H3C4: variants seen among roughly 807,000 people sequenced by gnomAD.
H3C4 encodes the protein H3 clustered histone 4, also known as histone H3.1.
A neutral mutation model predicts 8.7 loss-of-function variants in H3C4; 10 were observed. The ratio of observed to expected loss-of-function variants is 1.15; its 90% CI spans 0.71 to 1.96. H3C4 has a LOEUF of 1.96. H3C4 is among the 30% of genes most tolerant of loss of function. The probability of loss-of-function intolerance (pLI) is 0.00; values close to 1 mark genes in which losing one functional copy is unlikely to be tolerated. For synonymous variants in H3C4, 141 were observed against 80.1 expected (o/e 1.76, Z -4.06); for missense variants, 216 against 192.9 (o/e 1.12, Z -0.71).
Position 26,196,800 on chromosome 6 carries a change from G to T in H3C4, c.*40C>A. ...TAGAAAAGGTGGTTGGCTCTGAAAA[G>T]AGCCTTTGGGTTTTGGTTAGCACAC... On this transcript the variant is annotated 3_prime_UTR_variant, in exon 1 of 1. Coordinates refer to ENST00000356476, the MANE Select transcript of H3C4 (RefSeq NM_001376937.1). The T allele has an allele frequency of 3.1e-6, 5 of 1,608,876 alleles. No homozygotes were observed. Among genetic ancestry groups the T allele is most frequent in the Non-Finnish European group, 4.2e-6 (5 of 1,177,656 alleles).
upstream of H3C4, among the ~76,000 whole-genome samples, chr6:26,197,589 T>C (rs1453306919): frequency 1.3e-5 from 2 of 152,164 alleles, no homozygotes; most frequent in Non-Finnish European, 2.9e-5. Context: ...GCGCTGAAAC[T>C]GGCTTTGATC....
chr6:26,199,284 A>G (rs749722329), upstream of H3C4: 3 of 1,573,990 alleles, frequency 1.9e-6, no homozygotes, highest in Admixed American at 6.5e-5. Flanking sequence ...GAAGACAAAA[A>G]TGTAAAAGTG....
rs1434340791 is a variant in H3C4 at position 26,196,954 on chromosome 6, G to A, written c.297C>T (p.Ala99=). 4 of 1,614,140 alleles carry A rather than the reference G, an allele frequency of 2.5e-6. No individual in the cohort carries two copies. The highest frequency in any genetic ancestry group is 1.7e-5 in the Admixed American group (1 of 60,006). The change falls in exon 1 of 1, where the codon GCC becomes GCT. Residue 99 remains alanine (A), a synonymous_variant. Transcript: ENST00000356476. ...AVMALQEACE[A]YLVGLFEDTN... ...TGTCCTCAAACAGCCCCACCAGGTA[G>A]GCCTCGCAGGCCTCCTGCAGCGCCA...
upstream of H3C4, chr6:26,198,733 A>C: frequency 1.0e-6 from 1 of 997,204 alleles, no homozygotes; most frequent in Non-Finnish European, 1.5e-6. Flanking sequence ...ATTAAAGAAA[A>C]CTGCAAAATA....
upstream of H3C4, chr6:26,199,034 G>T: frequency 6.2e-7 from 1 of 1,614,164 alleles, no homozygotes; most frequent in Non-Finnish European, 8.5e-7. Context: ...TGTCGCGGGC[G>T]GCGTTGCCCG....
chr6:26,199,290 A>T (rs1264663720), upstream of H3C4: 7 of 1,567,044 alleles, frequency 4.5e-6, no homozygotes, highest in Non-Finnish European at 5.2e-6. Context: ...AAAAATGTAA[A>T]AGTGAATTTT....
chr6:26,199,212 G>A (rs137859753), upstream of H3C4: 79 of 1,607,636 alleles, frequency 4.9e-5, no homozygotes, highest in African/African-American at 5.5e-4. Context: ...CTTAGCTCGG[G>A]CCTTTCCGCC....
At chr6:26,198,997 G>A (rs764214331), upstream of H3C4, 4 of 1,614,040 alleles carry the variant, frequency 2.5e-6, no homozygotes, top group Middle Eastern at 1.6e-4. Flanking sequence ...AGCTGCAGGT[G>A]TCGGGGGATG....
rs779923855 is a variant in H3C4 at position 26,197,268 on chromosome 6, T to G, written c.-18A>C. ...CGAGCCATTGCGAACTTCTAAACCC[T>G]GCTAAATGACGAAAAAACGAAAGTC... On this transcript the variant is annotated 5_prime_UTR_variant, in exon 1 of 1. Coordinates refer to ENST00000356476, the MANE Select transcript of H3C4 (RefSeq NM_001376937.1). 6.3e-7 allele frequency: 1 copy of G among 1,592,608 alleles called. No individual in the cohort carries two copies. The highest frequency in any genetic ancestry group is 1.9e-5 in the Admixed American group (1 of 51,782).
chr6:26,198,919 G>A (rs774731285), upstream of H3C4: 17 of 1,614,132 alleles, frequency 1.1e-5, no homozygotes, highest in African/African-American at 8.0e-5. Context: ...ATGTTGGGCA[G>A]AACACCGCCC....
rs1764978972 is a variant in H3C4 at position 26,196,844 on chromosome 6, G to A, written c.407C>T (p.Ala136Val). 2 of 1,614,116 alleles carry A rather than the reference G, an allele frequency of 1.2e-6. No homozygotes were observed. The highest frequency in any genetic ancestry group is 1.7e-6 in the Non-Finnish European group (2 of 1,180,008). ...AGCACACATTCACAAGACAATTTAC[G>A]CCCTCTCCCCACGAATGCGGCGAGC... ...QLARRIRGER[A>V] The change falls in exon 1 of 1, where the codon GCG (alanine) becomes GTG (valine). Residue 136 changes from alanine to valine, a missense_variant. Physicochemically the swap from Ala to Val is moderately conservative, Grantham distance 64. Coordinates refer to ENST00000356476, the MANE Select transcript of H3C4 (RefSeq NM_001376937.1).
upstream of H3C4, chr6:26,197,319 A>T (rs557360325): frequency 4.7e-5 from 72 of 1,531,592 alleles, no homozygotes; most frequent in African/African-American, 9.2e-4. Context: ...GTATATATAA[A>T]GACACCCCTG....
upstream of H3C4, among the ~76,000 whole-genome samples, chr6:26,197,767 A>G (rs1190054947): frequency 6.6e-6 from 1 of 152,008 alleles, no homozygotes; most frequent in African/African-American, 2.4e-5. Flanking sequence ...AAGTAACAAT[A>G]TGAAACCTGA....
upstream of H3C4, among the ~76,000 whole-genome samples, chr6:26,198,328 C>T (rs550861144): frequency 6.6e-6 from 1 of 152,168 alleles, no homozygotes; most frequent in South Asian, 2.1e-4. Flanking sequence ...AATTAGTTTG[C>T]TTTTTTGGGT....
upstream of H3C4, chr6:26,198,943 CTT>C (rs1561981696): frequency 6.2e-7 from 1 of 1,614,240 alleles, no homozygotes; most frequent in Admixed American, 1.7e-5. Flanking sequence ...GCAATTGTGA[CTT>C]TACCCAGCAA....
chr6:26,198,805 T>A (rs1487453143), upstream of H3C4: 1 of 1,583,834 alleles, frequency 6.3e-7, no homozygotes, highest in African/African-American at 1.4e-5. Flanking sequence ...GAAAAGAGCC[T>A]TTGTTAAGAC....
upstream of H3C4, among the ~76,000 whole-genome samples, chr6:26,198,655 C>T (rs945262491): frequency 3.9e-5 from 6 of 152,126 alleles, no homozygotes; most frequent in African/African-American, 9.7e-5. Context: ...ATTTTTATGG[C>T]ATCTTTAAAA....
At chr6:26,198,821 C>T (rs112070326), upstream of H3C4, 2 of 1,601,356 alleles carry the variant, frequency 1.2e-6, no homozygotes, top group Admixed American at 3.6e-5. Flanking sequence ...AAGACTGCTT[C>T]CTTAAAAAGC....
chr6:26,199,005 A>G (rs1581450705), upstream of H3C4: 2 of 1,613,688 alleles, frequency 1.2e-6, no homozygotes, highest in Non-Finnish European at 1.7e-6. Context: ...GTGTCGGGGG[A>G]TGATGCGGGT....
Sources: allele counts gnomAD v4.1 joint callset (sites outside exome capture counted in the v4.1 genomes callset), GRCh38; gene constraint gnomAD v4.1.1; transcripts MANE v1.5; gene names NCBI Gene and HGNC (gene_info 2026-07-23, HGNC 2026-07-21).